CBX5: variants seen among roughly 807,000 people sequenced by gnomAD.
CBX5 encodes chromobox protein homolog 5.
In CBX5, 7 loss-of-function variants were observed where a neutral mutation model predicts 20.7. The ratio of observed to expected loss-of-function variants is 0.34; its 90% CI spans 0.19 to 0.63. The LOEUF (loss-of-function observed/expected upper bound fraction) is 0.63. CBX5 is among the 30% of genes least tolerant of loss of function. The pLI, the probability that CBX5 is intolerant of heterozygous loss-of-function variation, is 0.75. For missense variants in CBX5, 110 were observed against 224.1 expected, an observed-to-expected ratio of 0.49 and a Z score of 3.25; for synonymous variants, 78 against 77.0, an observed-to-expected ratio of 1.01 and a Z score of -0.07.
intron 1 of CBX5, among the ~76,000 whole-genome samples, chr12:54,264,220 C>T (rs934806579): frequency 2.0e-5 from 3 of 152,138 alleles, no homozygotes; most frequent in South Asian, 2.1e-4. Context: ...TGCAGTGGTG[C>T]GGACAGTTTA....
In CBX5 at chr12:54,235,031, T is replaced by C. The variant is rs1565863847; in HGVS notation, c.*6724A>G. On this transcript the variant is annotated 3_prime_UTR_variant, in exon 5 of 5. Transcript: ENST00000209875. ...CAGCACAAGCAAAAAGAAACCAGAATTGTTTTTATGAAACTATCTAAAAAA... is the reference window on the plus strand; with the variant it reads ...CAGCACAAGCAAAAAGAAACCAGAACTGTTTTTATGAAACTATCTAAAAAA... 6.6e-6 allele frequency: 1 copy of C among 152,196 alleles called. No homozygotes were observed. Among genetic ancestry groups the C allele is most frequent in the Non-Finnish European group, 1.5e-5 (1 of 68,034 alleles). 9.4% of individuals were successfully genotyped at this position (152,196 alleles called of 1,614,324 possible).
rs1943598555 is a variant in CBX5, at chr12:54,234,316, A to C, written c.*7439T>G. ...ATTAAACAGGTACAGGTGCTAAGAA[A>C]GTTTAAGACTGATCTTTTGGCAATG... On this transcript the variant is annotated 3_prime_UTR_variant, in exon 5 of 5. Coordinates refer to ENST00000209875, the MANE Select transcript of CBX5 (RefSeq NM_012117.3). The C allele has an allele frequency of 6.6e-6, 1 of 151,690 alleles. No individual in the cohort carries two copies. The highest frequency in any genetic ancestry group is 6.6e-5 in the Admixed American group (1 of 15,228). 9.4% of individuals were successfully genotyped at this position (151,690 alleles called of 1,614,324 possible).
intron 3 of CBX5, among the ~76,000 whole-genome samples, chr12:54,247,502 T>C (rs1200635285): frequency 6.6e-6 from 1 of 152,098 alleles, no homozygotes; most frequent in Admixed American, 6.6e-5. Context: ...CTGTGCTCCA[T>C]GGTGGGCAAC....
intron 3 of CBX5, among the ~76,000 whole-genome samples, chr12:54,249,020 A>G (rs1312267456): frequency 1.3e-5 from 2 of 152,180 alleles, no homozygotes; most frequent in Admixed American, 6.5e-5. Flanking sequence ...GCCTAGGAAC[A>G]AAACTCTGTG....
chr12:54,246,319 T>C (rs1487879425), intron 3 of CBX5, 104 bp from the exon 4 acceptor site: 36 of 830,196 alleles, frequency 4.3e-5, no homozygotes, highest in East Asian at 3.6e-4. Context: ...TCTCCTGATA[T>C]CATTTCTTTC....
rs1943577660 is a variant in CBX5 at position 54,232,425 on chromosome 12, T to G, written c.*9330A>C. The G allele has an allele frequency of 6.6e-6, 1 of 152,182 alleles. No homozygotes were observed. Among genetic ancestry groups the G allele is most frequent in the Admixed American group, 6.5e-5 (1 of 15,274 alleles). The allele number at this position is 152,182 out of a possible 1,614,324, so 9.4% of individuals were successfully genotyped here. On this transcript the variant is annotated 3_prime_UTR_variant, in exon 5 of 5. Transcript: ENST00000209875. ...GTATTCTATTAACTTTGATTTACAA[T>G]GCCTCACAACAACACCCCTGTGAGG...
chr12:54,256,586 G>A (rs1177890288), intron 2 of CBX5, among the ~76,000 whole-genome samples: 1 of 152,046 alleles, frequency 6.6e-6, no homozygotes, highest in Non-Finnish European at 1.5e-5. Flanking sequence ...CTAGCCACAT[G>A]TGCCTATTTG....
At position 54,241,973 on chromosome 12, in the gene CBX5, A is replaced by T; in HGVS notation, c.426-68T>A. 1.4e-6 allele frequency: 2 copies of T among 1,434,692 alleles called. 1 individual carries two copies. Among genetic ancestry groups the T allele is most frequent in the South Asian group, 2.5e-5 (2 of 80,144 alleles). The allele number at this position is 1,434,692 out of a possible 1,614,324, so 88.9% of individuals were successfully genotyped here. A position where few individuals can be genotyped will look rare whatever the true frequency, so the allele number is the denominator to read the frequency against. On this transcript the variant is annotated intron_variant, in intron 4 of 4. Transcript: ENST00000209875. ...AAAGAATCTGTCCAGACATACGTTT[A>T]TGTCATTATATGGATTTAGTTGACT...
intron 1 of CBX5, among the ~76,000 whole-genome samples, chr12:54,269,164 G>A (rs1288752153): frequency 6.6e-6 from 1 of 152,042 alleles, no homozygotes; most frequent in Non-Finnish European, 1.5e-5. Context: ...GGAGGCTGAG[G>A]CAGGAGAATC....
chr12:54,279,835 G>T (rs1001029851), intron 1 of CBX5, among the ~76,000 whole-genome samples, 173 bp downstream of exon 1: 7 of 152,322 alleles, frequency 4.6e-5, no homozygotes, highest in African/African-American at 1.4e-4. Flanking sequence ...CAGCTCCAAA[G>T]AACCTACGGG....
At chr12:54,271,227 T>C (rs1944006457) in intron 1 of CBX5, among the ~76,000 whole-genome samples, 1 of 152,224 alleles carries the variant, frequency 6.6e-6, no homozygotes, top group Non-Finnish European at 1.5e-5. Flanking sequence ...GTAGTGTTGT[T>C]CAAGTCTTCC....
chr12:54,231,234 A>G lies in CBX5; in HGVS notation c.*10521T>C, dbSNP rs769102057. ...ATGGAGAATTCAATTTCTCATTTCC[A>G]TTCAGAAATCTGGCTACAAAGTGAT... On this transcript the variant is annotated 3_prime_UTR_variant, in exon 5 of 5. Coordinates refer to ENST00000209875, the MANE Select transcript of CBX5 (RefSeq NM_012117.3). 2.0e-5 allele frequency: 3 copies of G among 152,710 alleles called. No homozygotes were observed. The highest frequency in any genetic ancestry group is 4.4e-5 in the Non-Finnish European group (3 of 68,042). The allele number at this position is 152,710 out of a possible 1,614,324, so 9.5% of individuals were successfully genotyped here.
chr12:54,263,302 A>T (rs1402833458), intron 1 of CBX5, among the ~76,000 whole-genome samples: 1 of 152,068 alleles, frequency 6.6e-6, no homozygotes, highest in Non-Finnish European at 1.5e-5. Context: ...TGGAGGTTGC[A>T]GTGAGCCGAG....
intron 1 of CBX5, among the ~76,000 whole-genome samples, chr12:54,266,705 T>C (rs920609851): frequency 4.6e-5 from 7 of 152,242 alleles, no homozygotes; most frequent in African/African-American, 1.4e-4. Context: ...TCAGAACTGC[T>C]TGAAGGTATC....
chr12:54,245,244 C>A (rs1433256784), intron 4 of CBX5, among the ~76,000 whole-genome samples: 1 of 151,930 alleles, frequency 6.6e-6, no homozygotes, highest in Non-Finnish European at 1.5e-5. Flanking sequence ...CTCCTGACCC[C>A]AAGAGATCCG....
At chr12:54,277,547 A>G (rs1337700532) in intron 1 of CBX5, among the ~76,000 whole-genome samples, 2 of 152,152 alleles carry the variant, frequency 1.3e-5, no homozygotes, top group African/African-American at 4.8e-5. Flanking sequence ...CTTGTTGGCC[A>G]GGCTGGTCTG....
intron 1 of CBX5, among the ~76,000 whole-genome samples, chr12:54,265,657 A>G (rs951065443): frequency 2.6e-5 from 4 of 152,248 alleles, no homozygotes; most frequent in African/African-American, 9.6e-5. Context: ...AGCCACATAT[A>G]GACAACACAA....
Position 54,274,743 on chromosome 12 carries a change from T to A in CBX5, c.-43+5265A>T, listed in dbSNP as rs562152510. Among the ~76,000 whole-genome samples the A allele has an allele frequency of 2.0e-5, 3 of 152,122 alleles. No homozygotes were observed. In the South Asian group the frequency reaches 6.2e-4, roughly 32 times the overall value. ...TCATGAGGTCAGTAGATTGAGACCA[T>A]CCTGGCTAACACGGTGAAATCCTGT... On this transcript the variant is annotated intron_variant, in intron 1 of 4. Coordinates refer to ENST00000209875, the MANE Select transcript of CBX5 (RefSeq NM_012117.3).
Position 54,274,079 on chromosome 12 carries a change from C to T in CBX5, c.-43+5929G>A, listed in dbSNP as rs547029482. 3.9e-5 allele frequency: 6 copies of T among 152,330 alleles called. No homozygotes were observed. In the East Asian group the frequency reaches 5.8e-4, roughly 15 times the overall value. 9.4% of individuals were successfully genotyped at this position (152,330 alleles called of 1,614,324 possible). ...GAAACTCAGAAAGATCTAATATTTACATAGCTGCTAACAAGAACAGTGTAG... is the reference window on the plus strand; with the variant it reads ...GAAACTCAGAAAGATCTAATATTTATATAGCTGCTAACAAGAACAGTGTAG... On this transcript the variant is annotated intron_variant, in intron 1 of 4. Coordinates refer to ENST00000209875, the MANE Select transcript of CBX5 (RefSeq NM_012117.3).
Sources: gnomAD v4.1 joint callset for allele counts (sites outside exome capture counted in the v4.1 genomes callset) on GRCh38, gnomAD v4.1.1 for gene constraint, MANE v1.5 for transcripts, NCBI Gene and HGNC (gene_info 2026-07-23, HGNC 2026-07-21) for gene names.